The following ARFGEF1 variants were observed in gnomAD, a reference collection of about 807,000 sequenced individuals.
ARFGEF1 encodes the protein ARF guanine nucleotide exchange factor 1.
Under a neutral mutation model 231.0 loss-of-function variants are expected in ARFGEF1, and 42 were observed. The ratio of observed to expected loss-of-function variants is 0.18; its 90% CI spans 0.14 to 0.24. The LOEUF is 0.24. ARFGEF1 is among the 10% of genes least tolerant of loss of function. ARFGEF1 has a pLI of 1.00. For synonymous variants in ARFGEF1, 710 were observed against 732.3 expected (o/e 0.97, Z 0.49); for missense variants, 1,345 against 2,192.0 (o/e 0.61, Z 7.72).
rs747321357 is a variant in ARFGEF1 at position 67,299,232 on chromosome 8, C to T, written c.436G>A (p.Gly146Arg). The T allele has an allele frequency of 6.4e-7, 1 of 1,567,452 alleles. No homozygotes were observed. The highest frequency in any genetic ancestry group is 8.6e-7 in the Non-Finnish European group (1 of 1,156,504). The change falls in exon 4 of 39, where the codon GGA (glycine) becomes AGA (arginine). Residue 146 changes from glycine to arginine, a missense_variant. Around this residue, in one of 14 missense-constraint regions of ARFGEF1, gnomAD observed 398 missense variants for 463.2 expected, o/e 0.86. Transcript: ENST00000262215. The stretch of plus-strand genomic sequence containing the variant: ...ACCTTTATTATCTGCAGCTGAACTC[C>T]TTCATCTGTCTGAGGGCCCTGAAAG... ...GCFQGPQTDEGVQLQIIKALL... is the reference protein window; with the variant it reads ...GCFQGPQTDERVQLQIIKALL...
intron 15 of ARFGEF1, among the ~76,000 whole-genome samples, chr8:67,259,555 T>C (rs1840573910): frequency 6.6e-6 from 1 of 152,200 alleles, no homozygotes; most frequent in South Asian, 2.1e-4. Context: ...ACGTTTTACT[T>C]ACCTCTATAT....
intron 1 of ARFGEF1, among the ~76,000 whole-genome samples, chr8:67,329,915 G>A (rs554933969): frequency 1.3e-5 from 2 of 151,782 alleles, no homozygotes; most frequent in East Asian, 1.9e-4. Context: ...GCTTCAATGA[G>A]ACTGAATTGG....
At chr8:67,264,574 G>T (rs2128892858) in intron 14 of ARFGEF1, among the ~76,000 whole-genome samples, 1 of 152,140 alleles carries the variant, frequency 6.6e-6, no homozygotes, top group Admixed American at 6.5e-5. Flanking sequence ...CACGCAGGAA[G>T]AAAGAAAAAA....
chr8:67,303,287 T>G (rs1806585543), intron 1 of ARFGEF1, among the ~76,000 whole-genome samples: 1 of 152,226 alleles, frequency 6.6e-6, no homozygotes, highest in Non-Finnish European at 1.5e-5. Context: ...TTTAACTCAT[T>G]TTTCTATTTA....
At chr8:67,221,198 C>T (rs1291853848) in intron 29 of ARFGEF1, among the ~76,000 whole-genome samples, 2 of 152,156 alleles carry the variant, frequency 1.3e-5, no homozygotes, top group African/African-American at 2.4e-5. Context: ...TACTATACTG[C>T]ACCTCTCATC....
chr8:67,319,784 G>T (rs915727748), intron 1 of ARFGEF1, among the ~76,000 whole-genome samples: 3 of 152,128 alleles, frequency 2.0e-5, no homozygotes, highest in Non-Finnish European at 2.9e-5. Flanking sequence ...TTTGCAAATT[G>T]TTTATCTGGC....
At chr8:67,220,655 G>A (rs956466077) in intron 29 of ARFGEF1, among the ~76,000 whole-genome samples, 3 of 152,220 alleles carry the variant, frequency 2.0e-5, no homozygotes, top group Admixed American at 6.5e-5. Flanking sequence ...GGAGACGCCT[G>A]TCAGAGTTCC....
At chr8:67,238,689 T>A in intron 21 of ARFGEF1, 46 bp downstream of exon 21, 1 of 1,592,592 alleles carries the variant, frequency 6.3e-7, no homozygotes. Context: ...TAGCATTAGC[T>A]CATTTTATAA....
chr8:67,299,424 C>T (rs1229057572), intron 3 of ARFGEF1, 69 bp from the exon 4 acceptor site: 28 of 1,365,120 alleles, frequency 2.1e-5, no homozygotes, highest in Non-Finnish European at 2.7e-5. Flanking sequence ...ATGCAATATA[C>T]ATTAAAATTA....
chr8:67,287,823 G>C, intron 7 of ARFGEF1, 132 bp downstream of exon 7: 2 of 521,768 alleles, frequency 3.8e-6, no homozygotes, highest in Non-Finnish European at 6.2e-6. Context: ...CCTAAATGTG[G>C]AATTTGTAAC....
At chr8:67,320,673 A>T (rs1250700398) in intron 1 of ARFGEF1, among the ~76,000 whole-genome samples, 2 of 152,084 alleles carry the variant, frequency 1.3e-5, no homozygotes, top group Non-Finnish European at 2.9e-5. Context: ...AAAGAAACAG[A>T]CAGTCAGGCG....
Position 67,179,876 on chromosome 8 carries a change from C to A in ARFGEF1, c.561-4304G>T. On this transcript the variant is annotated intron_variant, in intron 5 of 5. Transcript: ENST00000518789. ...TGTTTCTTTTAGCCCAGAGATGACA[C>A]TAGTGATTTCTTGAAAAACTCATTA... is the stretch of plus-strand genomic sequence containing the variant. 2 of 1,594,720 alleles carry A rather than the reference C, an allele frequency of 1.3e-6. No homozygotes were observed. Among genetic ancestry groups the A allele is most frequent in the Non-Finnish European group, 1.7e-6 (2 of 1,163,522 alleles).
intron 1 of ARFGEF1, among the ~76,000 whole-genome samples, chr8:67,341,287 C>G (rs1019920387): frequency 3.3e-5 from 5 of 151,982 alleles, no homozygotes; most frequent in African/African-American, 9.7e-5. Context: ...CATGAAAAAT[C>G]TGAATTATAA....
chr8:67,291,756 A>G (rs1197385703), intron 6 of ARFGEF1, 91 bp downstream of exon 6: 2 of 1,479,506 alleles, frequency 1.4e-6, no homozygotes, highest in Admixed American at 4.2e-5. Context: ...TTATTAAATC[A>G]TATTATCCTT....
intron 23 of ARFGEF1, among the ~76,000 whole-genome samples, chr8:67,228,922 C>A (rs1263804287): frequency 6.6e-6 from 1 of 151,996 alleles, no homozygotes; most frequent in Admixed American, 6.6e-5. Context: ...TGCATTTTAA[C>A]CCATATTCTG....
chr8:67,309,802 C>A (rs931572697), intron 1 of ARFGEF1, among the ~76,000 whole-genome samples: 1 of 152,122 alleles, frequency 6.6e-6, no homozygotes, highest in Non-Finnish European at 1.5e-5. Flanking sequence ...AGTTTTCCAA[C>A]GTTTCTGACT....
At chr8:67,237,568 G>A (rs1161235125) in intron 22 of ARFGEF1, among the ~76,000 whole-genome samples, 2 of 152,160 alleles carry the variant, frequency 1.3e-5, no homozygotes, top group African/African-American at 2.4e-5. Flanking sequence ...GGAGGTGGGG[G>A]GTTGGGGAGG....
rs1840585416 is a variant in ARFGEF1, at chr8:67,259,890, G to A, written c.2160C>T (p.Leu720=). 7 of 1,612,396 alleles carry A rather than the reference G, an allele frequency of 4.3e-6. No individual in the cohort carries two copies. Among genetic ancestry groups the A allele is most frequent in the Non-Finnish European group, 5.9e-6 (7 of 1,179,162 alleles). The change falls in exon 15 of 39, where the codon CTC becomes CTT. Residue 720 remains leucine (L), a synonymous_variant. Transcript: ENST00000262215. The part of the protein sequence containing the change: ...NKKPKRGIQY[L]QEQGMLGTTP... ...TGGTGCCAAGCATCCCTTGTTCTTG[G>A]AGGTACTGTATTCCTCTCTTTGGTT...
At chr8:67,190,061 G>C (rs573447379) in intron 5 of ARFGEF1, among the ~76,000 whole-genome samples, 1 of 152,128 alleles carries the variant, frequency 6.6e-6, no homozygotes, top group African/African-American at 2.4e-5. Flanking sequence ...ATAATACCCA[G>C]CAATTTCATT....
Sources: gnomAD v4.1 joint callset for allele counts (sites outside exome capture counted in the v4.1 genomes callset) on GRCh38, gnomAD v4.1.1 for gene constraint, gnomAD v4.1.1 regional missense constraint, MANE v1.5 for transcripts, NCBI Gene and HGNC (gene_info 2026-07-23, HGNC 2026-07-21) for gene names.